Variants in RAD52 observed in about 807,000 individuals in gnomAD.
RAD52 encodes the protein DNA repair protein RAD52 homolog.
In RAD52, 47 loss-of-function variants were observed where a neutral mutation model predicts 55.5. The observed-to-expected ratio is 0.85, with a 90% CI of 0.67 to 1.08. The LOEUF is 1.08. Ranked by LOEUF, RAD52 falls within the 50% of genes least tolerant of loss-of-function variation. RAD52 has a pLI of 0.00. For synonymous variants in RAD52, 184 were observed against 198.9 expected (o/e 0.92, Z 0.63); for missense variants, 468 against 522.8 (o/e 0.90, Z 1.02).
Position 912,954 on chromosome 12 carries a change from A to G in RAD52, c.*437T>C, listed in dbSNP as rs1393868564. On this transcript the variant is annotated 3_prime_UTR_variant, in exon 12 of 12. Coordinates refer to ENST00000358495, the MANE Select transcript of RAD52 (RefSeq NM_134424.4). ...ATCCACAGTGCTTAATGTGGGCAAC[A>G]TTAAAGGCATGGACCGTAAAGGAAA... is the stretch of plus-strand genomic sequence containing the variant. 4.9e-6 allele frequency: 1 copy of G among 204,654 alleles called. No individual in the cohort carries two copies. Among genetic ancestry groups the G allele is most frequent in the Admixed American group, 6.1e-5 (1 of 16,424 alleles). The allele number at this position is 204,654 out of a possible 1,614,324, so 12.7% of individuals were successfully genotyped here. A position where few individuals can be genotyped will look rare whatever the true frequency, so the allele number is the denominator to read the frequency against.
At chr12:931,713 G>A (rs1453314848) in intron 2 of RAD52, among the ~76,000 whole-genome samples, 1 of 152,186 alleles carries the variant, frequency 6.6e-6, no homozygotes, top group African/African-American at 2.4e-5. Context: ...CCTTATAAAT[G>A]TTTCTGAAGC....
At chr12:916,592 G>C (rs757651641) in intron 8 of RAD52, 47 bp downstream of exon 8, 3 of 1,597,848 alleles carry the variant, frequency 1.9e-6, no homozygotes, top group Non-Finnish European at 2.6e-6. Context: ...GCAGCCCCGT[G>C]ACACAGGAGG....
intron 1 of RAD52, among the ~76,000 whole-genome samples, chr12:960,080 A>G (rs1315453236): frequency 6.6e-6 from 1 of 151,956 alleles, no homozygotes; most frequent in Non-Finnish European, 1.5e-5. Context: ...AGTTTATGGG[A>G]CCCCTATAAG....
At chr12:918,453 G>A (rs1287700279) in intron 7 of RAD52, among the ~76,000 whole-genome samples, 5 of 152,142 alleles carry the variant, frequency 3.3e-5, no homozygotes, top group African/African-American at 1.2e-4. Context: ...CTGGAGTGCA[G>A]TGGCGTAATC....
At chr12:936,478 A>C (rs2154116225) in intron 1 of RAD52, among the ~76,000 whole-genome samples, 1 of 107,628 alleles carries the variant, frequency 9.3e-6, no homozygotes, top group East Asian at 2.7e-4. Context: ...TTTTTCCATT[A>C]TAAAAGTAAA....
chr12:940,550 T>C (rs1477437423), intron 1 of RAD52, among the ~76,000 whole-genome samples: 1 of 151,778 alleles, frequency 6.6e-6, no homozygotes, highest in African/African-American at 2.4e-5. Flanking sequence ...TGAGCAGAGG[T>C]TGCAGTGAGC....
chr12:978,915 T>TAGATAGATAGAC (rs1298086324), intron 1 of RAD52, among the ~76,000 whole-genome samples: 1 of 151,608 alleles, frequency 6.6e-6, no homozygotes, highest in South Asian at 2.1e-4. Context: ...GATAGATAGA[T>TAGATAGATAGAC]AGACAGACAG....
upstream of RAD52, chr12:990,414 A>G (rs1959170289): frequency 6.6e-6 from 1 of 152,216 alleles, no homozygotes; most frequent in South Asian, 2.1e-4. Flanking sequence ...TGCACGAGAA[A>G]ATCGGGTTGC....
rs1956227390 is a variant in RAD52 at position 914,012 on chromosome 12, G to GAT, written c.1076_1077insAT (p.Leu360SerfsTer2). On this transcript the variant is annotated frameshift_variant, in exon 11 of 12. Coordinates refer to ENST00000358495, the MANE Select transcript of RAD52 (RefSeq NM_134424.4). LOFTEE classifies it high-confidence loss of function. ...TCTGGGTCACCATCTGGTTGTTCAA[G>GAT]GCTAATGTGTCAGAGGTCTGGGCTG... 1 of 1,614,192 alleles carries GAT rather than the reference G, an allele frequency of 6.2e-7. No homozygotes were observed. Among genetic ancestry groups the GAT allele is most frequent in the East Asian group, 2.2e-5 (1 of 44,884 alleles).
chr12:970,002 C>T (rs17833581), intron 1 of RAD52, among the ~76,000 whole-genome samples: 14,278 of 151,870 alleles, frequency 0.094, 955 homozygotes, highest in East Asian at 0.29. Context: ...ATATATCCCA[C>T]TCCATTTCTG....
At chr12:932,841 GTAC>G in intron 2 of RAD52, 131 bp downstream of exon 2, 2 of 672,984 alleles carry the variant, frequency 3.0e-6, no homozygotes, top group Non-Finnish European at 5.4e-6. Flanking sequence ...AACGTACTAG[GTAC>G]TGCTCACACA....
intron 1 of RAD52, chr12:977,040 C>T (rs1414882091): frequency 6.6e-6 from 1 of 152,430 alleles, no homozygotes; most frequent in Non-Finnish European, 1.5e-5. Flanking sequence ...AGTCCTCGAT[C>T]CTTGTCTTCT....
In RAD52 at chr12:911,745, A is replaced by G. The variant is rs1476321591; in HGVS notation, c.*1646T>C. ...AAAATTATTAAATTGGCTGGGCGCAATGGCTCATGCCTATAATTCTAGTAC... is the reference window on the plus strand; with the variant it reads ...AAAATTATTAAATTGGCTGGGCGCAGTGGCTCATGCCTATAATTCTAGTAC... On this transcript the variant is annotated 3_prime_UTR_variant, in exon 12 of 12. Coordinates refer to ENST00000358495, the MANE Select transcript of RAD52 (RefSeq NM_134424.4). 3.9e-5 allele frequency among the ~76,000 whole-genome samples: 6 copies of G among 152,212 alleles called. 1 individual carries two copies. Among genetic ancestry groups the G allele is most frequent in the African/African-American group, 9.6e-5 (4 of 41,452 alleles).
chr12:989,385 T>G (rs574882095), intron 1 of RAD52, among the ~76,000 whole-genome samples: 10 of 152,292 alleles, frequency 6.6e-5, no homozygotes, highest in South Asian at 2.1e-4. Context: ...ATGTCCCCCT[T>G]CTCATTTTCT....
chr12:982,290 A>C (rs1394199649), intron 1 of RAD52, among the ~76,000 whole-genome samples: 1 of 152,200 alleles, frequency 6.6e-6, no homozygotes, highest in Non-Finnish European at 1.5e-5. Flanking sequence ...AAGCTGAATA[A>C]ATTTGTAAAT....
chr12:921,931 C>T (rs1263520045), intron 7 of RAD52, among the ~76,000 whole-genome samples: 1 of 150,962 alleles, frequency 6.6e-6, no homozygotes, highest in Non-Finnish European at 1.5e-5. Flanking sequence ...CATGGTGAAA[C>T]CCCATCTCTA....
intron 1 of RAD52, among the ~76,000 whole-genome samples, chr12:947,348 CAAAA>C (rs1958290658): frequency 2.0e-5 from 3 of 149,032 alleles, no homozygotes; most frequent in Non-Finnish European, 3.0e-5. Flanking sequence ...AACAGACAAA[CAAAA>C]AAACAAAACT....
At chr12:929,996 C>A in intron 4 of RAD52, 55 bp downstream of exon 4, 1 of 1,587,370 alleles carries the variant, frequency 6.3e-7, no homozygotes, top group Non-Finnish European at 8.7e-7. Context: ...CCACAGCAGA[C>A]TTTCAGCAGG....
intron 2 of RAD52, among the ~76,000 whole-genome samples, chr12:932,215 C>T (rs1219856617): frequency 1.3e-5 from 2 of 152,064 alleles, no homozygotes; most frequent in African/African-American, 4.8e-5. Flanking sequence ...AAAATTAAGC[C>T]CGGGCGTGGT....
Sources: allele counts gnomAD v4.1 joint callset (sites outside exome capture counted in the v4.1 genomes callset), GRCh38; gene constraint gnomAD v4.1.1; transcripts MANE v1.5; gene names NCBI Gene and HGNC (gene_info 2026-07-23, HGNC 2026-07-21).